TMPRSS4: variants seen among roughly 807,000 people sequenced by gnomAD.
TMPRSS4 encodes the protein transmembrane protease serine 4.
TMPRSS4 carries 45 observed loss-of-function variants against 56.4 expected under a neutral mutation model. The observed-to-expected ratio is 0.80, with a 90% CI of 0.63 to 1.02. TMPRSS4 has a LOEUF of 1.02. TMPRSS4 is among the 50% of genes least tolerant of loss of function. The pLI is 0.00. For missense variants in TMPRSS4, 546 were observed against 556.7 expected (o/e 0.98, Z 0.19); for synonymous variants, 205 against 211.0 (o/e 0.97, Z 0.25).
intron 5 of TMPRSS4, chr11:118,106,999 G>A (rs1039783051): frequency 1.3e-5 from 2 of 152,136 alleles, no homozygotes; most frequent in African/African-American, 4.8e-5. Context: ...CAATCCACCA[G>A]TATTGCCAAT....
chr11:118,082,392 C>T (rs1945204523), intron 1 of TMPRSS4, among the ~76,000 whole-genome samples: 2 of 152,058 alleles, frequency 1.3e-5, no homozygotes, highest in Non-Finnish European at 2.9e-5. Context: ...GAAACCCCAT[C>T]TCTACTAAAG....
At chr11:118,078,396 C>A (rs1007887797) in intron 1 of TMPRSS4, among the ~76,000 whole-genome samples, 9 of 152,070 alleles carry the variant, frequency 5.9e-5, no homozygotes, top group Non-Finnish European at 1.5e-5. Context: ...CTGCAGGGGC[C>A]CCTCGAGTGA....
intron 11 of TMPRSS4, 62 bp from the exon 12 acceptor site, chr11:118,117,243 G>A: frequency 6.4e-7 from 1 of 1,563,044 alleles, no homozygotes; most frequent in South Asian, 1.1e-5. Flanking sequence ...AGGGAGCAGA[G>A]AAGGAGAAGC....
rs916179592 is a variant in TMPRSS4, at chr11:118,119,158, A to G, written c.*1245A>G. On this transcript the variant is annotated 3_prime_UTR_variant, in exon 13 of 13. Coordinates refer to ENST00000437212, the MANE Select transcript of TMPRSS4 (RefSeq NM_019894.4). ...ATAGAAACCCAGAAAACAAAACAAA[A>G]TAAAACAAAACCATCAGAACTGTGA... is the stretch of plus-strand genomic sequence containing the variant. The G allele has an allele frequency of 2.0e-5, 20 of 985,506 alleles. No individual in the cohort carries two copies. The African/African-American group carries it at 3.5e-4, about 17-fold the overall frequency. 61.0% of individuals were successfully genotyped at this position (985,506 alleles called of 1,614,324 possible). A position where few individuals can be genotyped will look rare whatever the true frequency, so the allele number is the denominator to read the frequency against.
intron 1 of TMPRSS4, among the ~76,000 whole-genome samples, chr11:118,090,821 A>AACAGAC (rs1555082740): frequency 7.1e-6 from 1 of 140,342 alleles, no homozygotes; most frequent in African/African-American, 2.6e-5. Context: ...CACACACACA[A>AACAGAC]ACACACACAC....
intron 9 of TMPRSS4, among the ~76,000 whole-genome samples, chr11:118,113,744 C>T (rs964403041): frequency 2.0e-5 from 3 of 152,178 alleles, no homozygotes; most frequent in Non-Finnish European, 4.4e-5. Context: ...AAAAGATTAT[C>T]GAGCTAATTC....
At chr11:118,092,917 T>G (rs1243923566) in intron 1 of TMPRSS4, among the ~76,000 whole-genome samples, 3 of 152,232 alleles carry the variant, frequency 2.0e-5, no homozygotes, top group Admixed American at 2.0e-4. Context: ...ACAACTCATG[T>G]AAACCTCACA....
intron 1 of TMPRSS4, among the ~76,000 whole-genome samples, chr11:118,078,400 C>T (rs972941048): frequency 4.6e-5 from 7 of 152,148 alleles, no homozygotes; most frequent in African/African-American, 1.7e-4. Flanking sequence ...AGGGGCCCCT[C>T]GAGTGATTGT....
chr11:118,115,287 C>A lies in TMPRSS4; in HGVS notation c.1152+7C>A. On this transcript the variant is annotated splice_region_variant and intron_variant, in intron 11 of 12. Transcript: ENST00000437212. ...GGGTGTGGACACCTGCCAGGTGGGG[C>A]CTCCAAGAATCATGGGGAGTTCTAA... 6 of 1,611,494 alleles carry A rather than the reference C, an allele frequency of 3.7e-6. No individual in the cohort carries two copies. The highest frequency in any genetic ancestry group is 5.1e-6 in the Non-Finnish European group (6 of 1,179,582).
At chr11:118,114,962 T>C (rs1453681188) in intron 10 of TMPRSS4, 35 bp downstream of exon 10, 1 of 1,570,944 alleles carries the variant, frequency 6.4e-7, no homozygotes, top group Non-Finnish European at 8.7e-7. Context: ...GGGCAGGAGA[T>C]GCCCTTGTAT....
At position 118,099,072 on chromosome 11, in the gene TMPRSS4, C is replaced by A. The variant is rs148550252; in HGVS notation, c.131C>A (p.Ala44Glu). The A allele has an allele frequency of 6.2e-7, 1 of 1,613,860 alleles. No individual in the cohort carries two copies. The highest frequency in any genetic ancestry group is 1.1e-5 in the South Asian group (1 of 91,074). ...IPIIIALLSL[A>E]SIIIVVVLIK... ...ATCATCATAGCACTACTGAGCCTGG[C>A]GAGTATCATCATTGTGGTTGTCCTC... The change falls in exon 3 of 13, where the codon GCG (alanine) becomes GAG (glutamate). Residue 44 changes from alanine to glutamate, a missense_variant. Coordinates refer to ENST00000437212, the MANE Select transcript of TMPRSS4 (RefSeq NM_019894.4).
intron 1 of TMPRSS4, among the ~76,000 whole-genome samples, chr11:118,092,111 A>G (rs866861230): frequency 6.6e-6 from 1 of 152,100 alleles, no homozygotes; most frequent in Non-Finnish European, 1.5e-5. Context: ...AGGAAAGGAA[A>G]CGCTGACCAC....
At position 118,118,886 on chromosome 11, in the gene TMPRSS4, G is replaced by T; in HGVS notation, c.*973G>T. Reference sequence around the variant, plus strand: ...CTTCTTACATTTAAAAAACAAAAAGGATCAGCTGCCAGGTGTGAGGCAGTC... The same window carrying T: ...CTTCTTACATTTAAAAAACAAAAAGTATCAGCTGCCAGGTGTGAGGCAGTC... On this transcript the variant is annotated 3_prime_UTR_variant, in exon 13 of 13. Transcript: ENST00000437212. 1 of 985,378 alleles carries T rather than the reference G, an allele frequency of 1.0e-6. No homozygotes were observed. The highest frequency in any genetic ancestry group is 4.7e-5 in the South Asian group (1 of 21,286). 61.0% of individuals were successfully genotyped at this position (985,378 alleles called of 1,614,324 possible).
At chr11:118,096,173 T>C (rs1316937515) in intron 2 of TMPRSS4, among the ~76,000 whole-genome samples, 1 of 152,244 alleles carries the variant, frequency 6.6e-6, no homozygotes, top group African/African-American at 2.4e-5. Flanking sequence ...TTCTGAAGAC[T>C]GGCTGCTGGA....
Position 118,118,196 on chromosome 11 carries a change from G to A in TMPRSS4, c.*283G>A. 7.4e-7 allele frequency: 1 copy of A among 1,353,832 alleles called. No homozygotes were observed. Among genetic ancestry groups the A allele is most frequent in the Non-Finnish European group, 9.5e-7 (1 of 1,054,814 alleles). The allele number at this position is 1,353,832 out of a possible 1,614,324, so 83.9% of individuals were successfully genotyped here. A position where few individuals can be genotyped will look rare whatever the true frequency, so the allele number is the denominator to read the frequency against. ...AACAAGGTCTCAGGGGTATTGCTAA[G>A]CCAAGAAGGAACTTTCCCACACTAC... On this transcript the variant is annotated 3_prime_UTR_variant, in exon 13 of 13. Coordinates refer to ENST00000437212, the MANE Select transcript of TMPRSS4 (RefSeq NM_019894.4).
chr11:118,099,147 G>A (rs1476878095), intron 3 of TMPRSS4, 49 bp downstream of exon 3: 4 of 1,497,912 alleles, frequency 2.7e-6, no homozygotes, highest in East Asian at 2.3e-5. Flanking sequence ...AAATGACAGG[G>A]CCCAACCCCC....
intron 3 of TMPRSS4, among the ~76,000 whole-genome samples, chr11:118,100,292 A>G (rs940054574): frequency 6.6e-6 from 1 of 152,264 alleles, no homozygotes; most frequent in Non-Finnish European, 1.5e-5. Flanking sequence ...GACCCAGGAC[A>G]TGCATTTGCT....
Position 118,117,376 on chromosome 11 carries a change from T to A in TMPRSS4, c.1224T>A (p.Tyr408Ter), listed in dbSNP as rs1231186299. 3.7e-6 allele frequency: 6 copies of A among 1,614,130 alleles called. No homozygotes were observed. The highest frequency in any genetic ancestry group is 5.1e-6 in the Non-Finnish European group (6 of 1,179,998). ...TGGTGGGCATCGTTAGTTGGGGCTA[T>A]GGCTGCGGGGGCCCGAGCACCCCAG... is the stretch of plus-strand genomic sequence containing the variant. ...WHVVGIVSWG[Y>*]GCGGPSTPGV... Residue 408 changes from tyrosine to a stop codon, truncating the protein, a stop_gained, in exon 12 of 13, where the codon TAT becomes TAA. Transcript: ENST00000437212. LOFTEE classifies it high-confidence loss of function.
intron 3 of TMPRSS4, chr11:118,102,833 C>T: frequency 2.3e-6 from 1 of 443,668 alleles, no homozygotes; most frequent in Admixed American, 3.7e-5. Flanking sequence ...GGGTAAGAGG[C>T]AGTTACCAGC....
Sources: allele counts gnomAD v4.1 joint callset (sites outside exome capture counted in the v4.1 genomes callset), GRCh38; gene constraint gnomAD v4.1.1; transcripts MANE v1.5; gene names NCBI Gene and HGNC (gene_info 2026-07-23, HGNC 2026-07-21).